The following YAF2 variants were observed in gnomAD, a reference collection of about 807,000 sequenced individuals.
YAF2 encodes YY1-associated factor 2.
YAF2 carries 7 observed loss-of-function variants against 20.1 expected under a neutral mutation model. That is an observed-to-expected ratio of 0.35 (90% confidence interval 0.20 to 0.65). The LOEUF is 0.65. Among genes scored for constraint, YAF2 ranks in the 30% least tolerant of loss-of-function variants. The pLI is 0.69. For missense variants in YAF2, 151 were observed against 219.2 expected, an observed-to-expected ratio of 0.69 and a Z score of 1.96; for synonymous variants, 74 against 76.0, an observed-to-expected ratio of 0.97 and a Z score of 0.14.
intron 2 of YAF2, among the ~76,000 whole-genome samples, chr12:42,218,825 C>T (rs886119994): frequency 1.6e-4 from 24 of 151,326 alleles, no homozygotes; most frequent in African/African-American, 5.4e-4. Flanking sequence ...TTACTAATCT[C>T]GGTCCTTAAA....
At chr12:42,235,983 C>A (rs998572052) in intron 2 of YAF2, 25 of 1,536,100 alleles carry the variant, frequency 1.6e-5, no homozygotes, top group Non-Finnish European at 2.2e-5. Flanking sequence ...CAGCTTCCCC[C>A]CTTCCTTGCT....
chr12:42,198,998 A>G (rs1411352215), intron 2 of YAF2: 1 of 414,388 alleles, frequency 2.4e-6, no homozygotes, highest in Non-Finnish European at 4.2e-6. Context: ...GTGCAATTCT[A>G]AACTAGCTGT....
intron 2 of YAF2, chr12:42,237,374 T>TTC (rs1420550904): frequency 8.2e-7 from 1 of 1,221,802 alleles, no homozygotes; most frequent in Non-Finnish European, 1.0e-6. Context: ...AAATAATTTA[T>TTC]TCTCTCTTGG....
At chr12:42,234,964 G>C in intron 2 of YAF2, 1 of 980,250 alleles carries the variant, frequency 1.0e-6, no homozygotes, top group Non-Finnish European at 1.2e-6. Flanking sequence ...ACCCAGCCTG[G>C]GCAACAGAAT....
In YAF2 at chr12:42,180,482, C is replaced by T. The variant is rs146283413; in HGVS notation, c.153-18717G>A. ...GAGAGAGCTGCAGCCCCAGCCACAA[C>T]GCTGACTGCAGCCTTGTATCAGGAG... On this transcript the variant is annotated intron_variant, in intron 2 of 3. Transcript: ENST00000534854. Among the ~76,000 whole-genome samples the T allele has an allele frequency of 2.3e-3, 343 of 152,328 alleles. 2 individuals carry two copies. The highest frequency in any genetic ancestry group is 0.011 in the South Asian group (54 of 4,826).
At chr12:42,228,400 C>A (rs2067841403) in intron 2 of YAF2, among the ~76,000 whole-genome samples, 1 of 64,198 alleles carries the variant, frequency 1.6e-5, no homozygotes, top group Non-Finnish European at 2.9e-5. Flanking sequence ...CTCTGCCCGG[C>A]CAGCCGCCCC....
rs141567351 is a variant in YAF2 at position 42,192,130 on chromosome 12, T to C, written c.153-30365A>G. Among the ~76,000 whole-genome samples, 293 of 151,856 alleles carry C rather than the reference T, an allele frequency of 1.9e-3. 1 individual carries two copies. Among genetic ancestry groups the C allele is most frequent in the African/African-American group, 6.6e-3 (275 of 41,402 alleles). ...AGAAATTTAGTAAGGCTGGAGAATATTGAATATGGAGAAAAATTACATGAG... is the reference window on the plus strand; with the variant it reads ...AGAAATTTAGTAAGGCTGGAGAATACTGAATATGGAGAAAAATTACATGAG... On this transcript the variant is annotated intron_variant, in intron 2 of 3. Coordinates refer to ENST00000534854, the MANE Select transcript of YAF2 (RefSeq NM_005748.6).
chr12:42,166,511 T>C (rs1015384835), intron 2 of YAF2, among the ~76,000 whole-genome samples: 2 of 152,234 alleles, frequency 1.3e-5, no homozygotes, highest in Non-Finnish European at 2.9e-5. Flanking sequence ...TTGCAAAATA[T>C]TGCATGATAA....
rs541418669 is a variant in YAF2 at position 42,217,791 on chromosome 12, C to T, written c.152+19808G>A. Among the ~76,000 whole-genome samples the T allele has an allele frequency of 4.6e-4, 70 of 152,230 alleles. 1 individual carries two copies. Among genetic ancestry groups the T allele is most frequent in the Non-Finnish European group, 4.1e-4 (28 of 68,012 alleles). ...AATACACTGTGTAAATATATCATCA[C>T]TTTTAGCAAAGAATTCTTTAAGAGT... On this transcript the variant is annotated intron_variant, in intron 2 of 3. Coordinates refer to ENST00000534854, the MANE Select transcript of YAF2 (RefSeq NM_005748.6).
At chr12:42,162,276 T>A (rs1330498102) in intron 2 of YAF2, among the ~76,000 whole-genome samples, 1 of 152,196 alleles carries the variant, frequency 6.6e-6, no homozygotes, top group Non-Finnish European at 1.5e-5. Flanking sequence ...GTTTCTTACA[T>A]CTCCAGCCAC....
chr12:42,198,952 G>C (rs1364326683), intron 2 of YAF2, among the ~76,000 whole-genome samples: 5 of 152,094 alleles, frequency 3.3e-5, no homozygotes, highest in Non-Finnish European at 7.4e-5. Context: ...AATATACCCT[G>C]ATTTTGAATA....
At chr12:42,180,729 G>T (rs575236608) in intron 2 of YAF2, among the ~76,000 whole-genome samples, 1 of 152,036 alleles carries the variant, frequency 6.6e-6, no homozygotes, top group Non-Finnish European at 1.5e-5. Context: ...CAGGTGGATC[G>T]CTTGAGGCCA....
At position 42,158,562 on chromosome 12, in the gene YAF2, G is replaced by A. The variant is rs2065742908; in HGVS notation, c.*2027C>T. 6.6e-6 allele frequency: 1 copy of A among 152,148 alleles called. No homozygotes were observed. The highest frequency in any genetic ancestry group is 6.5e-5 in the Admixed American group (1 of 15,270). The allele number at this position is 152,148 out of a possible 1,614,324, so 9.4% of individuals were successfully genotyped here. ...CATTATTAGCCCTGTTTTATAGATG[G>A]AAAGTAAGCTTGGGTAATTTAAGCT... On this transcript the variant is annotated 3_prime_UTR_variant, in exon 4 of 4. Coordinates refer to ENST00000534854, the MANE Select transcript of YAF2 (RefSeq NM_005748.6).
intron 2 of YAF2, among the ~76,000 whole-genome samples, chr12:42,177,956 T>C (rs1346043436): frequency 1.3e-5 from 2 of 152,140 alleles, no homozygotes; most frequent in African/African-American, 4.8e-5. Flanking sequence ...TTACATATTA[T>C]TATTAATAGT....
intron 2 of YAF2, among the ~76,000 whole-genome samples, chr12:42,171,692 G>A (rs1287407577): frequency 2.0e-5 from 3 of 151,856 alleles, no homozygotes; most frequent in East Asian, 1.9e-4. Flanking sequence ...GGTAGCTCAC[G>A]CCTATAATCC....
At chr12:42,235,047 G>A (rs1328463458) in intron 2 of YAF2, 5 of 985,354 alleles carry the variant, frequency 5.1e-6, no homozygotes, top group Non-Finnish European at 2.4e-6. Flanking sequence ...AATCTTCTCT[G>A]CAGGTCTAAA....
intron 2 of YAF2, among the ~76,000 whole-genome samples, chr12:42,213,222 C>G (rs1267897961): frequency 6.6e-6 from 1 of 152,164 alleles, no homozygotes. Context: ...ATGTCTCTGG[C>G]CAACAGCCAG....
chr12:42,229,290 C>T (rs1178818412), intron 2 of YAF2, among the ~76,000 whole-genome samples: 1 of 128,284 alleles, frequency 7.8e-6, no homozygotes, highest in Non-Finnish European at 1.6e-5. Flanking sequence ...GCCGCAGGGT[C>T]CTCTGCCTAG....
intron 2 of YAF2, among the ~76,000 whole-genome samples, chr12:42,228,135 C>G (rs1237906502): frequency 1.8e-5 from 1 of 55,496 alleles, no homozygotes; most frequent in Non-Finnish European, 3.4e-5. Context: ...CCGCCCCGTC[C>G]GGGAGGGAGG....
Sources: allele counts gnomAD v4.1 joint callset (sites outside exome capture counted in the v4.1 genomes callset), GRCh38; gene constraint gnomAD v4.1.1; transcripts MANE v1.5; gene names NCBI Gene and HGNC (gene_info 2026-07-23, HGNC 2026-07-21).